PCSK2: variants seen among roughly 807,000 people sequenced by gnomAD.
The protein encoded by PCSK2 is neuroendocrine convertase 2.
In PCSK2, 14 loss-of-function variants were observed where a neutral mutation model predicts 69.7. The observed-to-expected ratio is 0.20, with a 90% CI of 0.13 to 0.31. PCSK2 has a LOEUF of 0.31. Among genes scored for constraint, PCSK2 ranks in the 10% least tolerant of loss-of-function variants. The pLI is 1.00. For synonymous variants in PCSK2, 307 were observed against 320.7 expected (o/e 0.96, Z 0.46); for missense variants, 544 against 842.5 (o/e 0.65, Z 4.39).
intron 8 of PCSK2, among the ~76,000 whole-genome samples, chr20:17,444,915 A>G (rs923842153): frequency 6.6e-6 from 1 of 152,248 alleles, no homozygotes; most frequent in Admixed American, 6.5e-5. Context: ...GCCTGAGGAC[A>G]GATGCACAGA....
chr20:17,447,860 C>T (rs537230263), intron 8 of PCSK2, among the ~76,000 whole-genome samples: 1 of 152,058 alleles, frequency 6.6e-6, no homozygotes, highest in African/African-American at 2.4e-5. Flanking sequence ...GTGAGAAATA[C>T]ATTTTAAGCA....
intron 2 of PCSK2, among the ~76,000 whole-genome samples, chr20:17,340,293 CA>C (rs2123170722): frequency 4.4e-5 from 1 of 22,616 alleles, no homozygotes; most frequent in East Asian, 5.8e-4. Flanking sequence ...TCCCATCCCC[CA>C]AACTAACTAG....
At chr20:17,474,556 G>A (rs1472504010) in intron 11 of PCSK2, among the ~76,000 whole-genome samples, 1 of 152,148 alleles carries the variant, frequency 6.6e-6, no homozygotes, top group Admixed American at 6.6e-5. Flanking sequence ...CTGTGTTCTA[G>A]TTTCCCCTTC....
chr20:17,456,175 A>G (rs2032917062), intron 9 of PCSK2, among the ~76,000 whole-genome samples, 173 bp from the exon 10 acceptor site: 1 of 152,174 alleles, frequency 6.6e-6, no homozygotes, highest in African/African-American at 2.4e-5. Flanking sequence ...TGGGAGGCGG[A>G]GGTTGCCATG....
At chr20:17,268,092 T>A (rs6044712) in intron 2 of PCSK2, among the ~76,000 whole-genome samples, 40,230 of 137,534 alleles carry the variant, frequency 0.29, 7,077 homozygotes, top group Middle Eastern at 0.44. Flanking sequence ...TATTATATCT[T>A]CTAAAAATGA....
intron 8 of PCSK2, among the ~76,000 whole-genome samples, chr20:17,449,194 G>A (rs1160614755): frequency 6.6e-6 from 1 of 152,140 alleles, no homozygotes; most frequent in Non-Finnish European, 1.5e-5. Flanking sequence ...CTTGCCTCAG[G>A]CAGCTGACAG....
intron 8 of PCSK2, among the ~76,000 whole-genome samples, chr20:17,442,709 C>G (rs982743942): frequency 2.6e-5 from 4 of 152,204 alleles, no homozygotes; most frequent in African/African-American, 9.6e-5. Flanking sequence ...TGCTGAAATG[C>G]TCCCAATAAC....
chr20:17,468,235 C>T (rs1221805617), intron 11 of PCSK2, among the ~76,000 whole-genome samples: 1 of 149,878 alleles, frequency 6.7e-6, no homozygotes, highest in African/African-American at 2.4e-5. Flanking sequence ...CATCCTCCCA[C>T]AGGCCAGCGT....
At position 17,391,904 on chromosome 20, in the gene PCSK2, G is replaced by GGA. The variant is rs1600542920; in HGVS notation, c.544-17359_544-17358insGA. Among the ~76,000 whole-genome samples, 17 of 128,374 alleles carry GGA rather than the reference G, an allele frequency of 1.3e-4. No homozygotes were observed. The East Asian group carries it at 3.0e-3, about 23-fold the overall frequency. 84.2% of individuals were successfully genotyped at this position (128,374 alleles called of 152,430 possible). On this transcript the variant is annotated intron_variant, in intron 5 of 11. Transcript: ENST00000262545. ...AAAAAGAAAGAGAGAGAGAAAGAGA[G>GGA]AGAGGAAGGAAGGAAGGAAGGAAGG...
At chr20:17,414,362 G>T (rs79020748) in intron 6 of PCSK2, among the ~76,000 whole-genome samples, 1 of 152,018 alleles carries the variant, frequency 6.6e-6, no homozygotes, top group Non-Finnish European at 1.5e-5. Context: ...TATCACCACC[G>T]ATCCCACAGA....
intron 2 of PCSK2, among the ~76,000 whole-genome samples, chr20:17,314,376 C>T (rs546854917): frequency 5.1e-4 from 77 of 152,226 alleles, no homozygotes; most frequent in African/African-American, 1.5e-3. Flanking sequence ...TGAATCAAGC[C>T]GGGAGGATTT....
At chr20:17,276,754 A>G (rs932654542) in intron 2 of PCSK2, among the ~76,000 whole-genome samples, 1 of 152,170 alleles carries the variant, frequency 6.6e-6, no homozygotes, top group African/African-American at 2.4e-5. Flanking sequence ...AGGGCATTCA[A>G]TCAGGAAAAG....
At chr20:17,359,730 T>C (rs1600520204) in intron 3 of PCSK2, among the ~76,000 whole-genome samples, 2 of 152,324 alleles carry the variant, frequency 1.3e-5, no homozygotes, top group South Asian at 4.1e-4. Flanking sequence ...AATCATACAA[T>C]GTTTTAGCAA....
At chr20:17,270,121 C>T (rs1283994359) in intron 2 of PCSK2, among the ~76,000 whole-genome samples, 1 of 152,090 alleles carries the variant, frequency 6.6e-6, no homozygotes, top group African/African-American at 2.4e-5. Context: ...AATCGTATGT[C>T]TATCTAGCTA....
chr20:17,468,958 T>G (rs560012438), intron 11 of PCSK2, among the ~76,000 whole-genome samples: 1 of 152,344 alleles, frequency 6.6e-6, no homozygotes, highest in Middle Eastern at 3.4e-3. Context: ...AAACAGTCCA[T>G]GATTTAAGAA....
intron 1 of PCSK2, among the ~76,000 whole-genome samples, chr20:17,259,301 G>A (rs1020575352): frequency 1.3e-5 from 2 of 152,152 alleles, no homozygotes; most frequent in African/African-American, 4.8e-5. Flanking sequence ...TCTATAATTT[G>A]TAAGCATTCA....
intron 5 of PCSK2, among the ~76,000 whole-genome samples, chr20:17,407,089 C>T (rs1408031683): frequency 1.3e-5 from 2 of 152,208 alleles, no homozygotes; most frequent in Non-Finnish European, 1.5e-5. Context: ...AACCTCCGCT[C>T]CCTGCTCTCC....
intron 10 of PCSK2, 79 bp from the exon 11 acceptor site, chr20:17,465,247 C>A (rs755346974): frequency 1.0e-6 from 1 of 957,934 alleles, no homozygotes; most frequent in Non-Finnish European, 1.7e-6. Context: ...AGTAATATTT[C>A]TCTTAATCAT....
intron 5 of PCSK2, among the ~76,000 whole-genome samples, chr20:17,408,696 T>C (rs2031806027): frequency 6.6e-6 from 1 of 152,242 alleles, no homozygotes; most frequent in Non-Finnish European, 1.5e-5. Flanking sequence ...TATATTGGAC[T>C]CTTAATGATA....
Sources: gnomAD v4.1 joint callset for allele counts (sites outside exome capture counted in the v4.1 genomes callset) on GRCh38, gnomAD v4.1.1 for gene constraint, MANE v1.5 for transcripts, NCBI Gene and HGNC (gene_info 2026-07-23, HGNC 2026-07-21) for gene names.